AOPEP: variants seen among roughly 807,000 people sequenced by gnomAD.
AOPEP encodes aminopeptidase O (putative).
In AOPEP, 77 loss-of-function variants were observed where a neutral mutation model predicts 98.1. The observed-to-expected ratio is 0.78, with a 90% CI of 0.65 to 0.95. The LOEUF is 0.95. AOPEP is among the 40% of genes least tolerant of loss of function. The pLI is 0.00. For missense variants in AOPEP, 1,024 were observed against 1,024.7 expected, an observed-to-expected ratio of 1.00 and a Z score of 0.01; for synonymous variants, 346 against 365.3, an observed-to-expected ratio of 0.95 and a Z score of 0.60.
Position 94,933,312 on chromosome 9 carries a change from G to A in AOPEP, c.1661+4781G>A, listed in dbSNP as rs542067171. The A allele has an allele frequency of 6.1e-6, 6 of 985,504 alleles. No homozygotes were observed. In the East Asian group the frequency reaches 6.8e-4, roughly 112 times the overall value. 61.0% of individuals were successfully genotyped at this position (985,504 alleles called of 1,614,324 possible). A position where few individuals can be genotyped will look rare whatever the true frequency, so the allele number is the denominator to read the frequency against. Reference sequence around the variant, plus strand: ...TAAGTGCTTTCAGTTAGCACACTCTGACAGGCCCCAGGGATGGAAGAGCTA... The same window carrying A: ...TAAGTGCTTTCAGTTAGCACACTCTAACAGGCCCCAGGGATGGAAGAGCTA... On this transcript the variant is annotated intron_variant, in intron 7 of 16. Coordinates refer to ENST00000375315, the MANE Select transcript of AOPEP (RefSeq NM_001193329.3).
Position 94,972,801 on chromosome 9 carries a change from T to C in AOPEP, c.1916+5000T>C, listed in dbSNP as rs1248909015. On this transcript the variant is annotated intron_variant, in intron 10 of 16. Coordinates refer to ENST00000375315, the MANE Select transcript of AOPEP (RefSeq NM_001193329.3). The surrounding 1 kb of genome is among the most constrained non-coding windows in gnomAD (Gnocchi z 4.2). ...CAAAAATACAAAAAATTAGCCTGCA[T>C]GGTGGTACGTGTCTGTAGTCTCAGC... 1.3e-5 allele frequency among the ~76,000 whole-genome samples: 2 copies of C among 152,036 alleles called. No individual in the cohort carries two copies. The highest frequency in any genetic ancestry group is 4.1e-4 in the South Asian group (2 of 4,826).
intron 1 of AOPEP, among the ~76,000 whole-genome samples, chr9:94,757,070 GCT>G (rs1279990566): frequency 6.6e-6 from 1 of 152,122 alleles, no homozygotes; most frequent in African/African-American, 2.4e-5. Context: ...TGTTTACTTG[GCT>G]CTCTCAAAAC....
rs1588894072 is a variant in AOPEP, at chr9:94,920,911, C to T, written c.1365-3075C>T. ...GAATGACAACACGGGAGTGTGGCTG[C>T]AAGCCACCCCTGCCTGCCACCTCCT... is the stretch of plus-strand genomic sequence containing the variant. On this transcript the variant is annotated intron_variant, in intron 5 of 16. Coordinates refer to ENST00000375315, the MANE Select transcript of AOPEP (RefSeq NM_001193329.3). Among the ~76,000 whole-genome samples the T allele has an allele frequency of 2.0e-5, 3 of 152,148 alleles. No individual in the cohort carries two copies. The South Asian group carries it at 6.2e-4, about 32-fold the overall frequency.
At chr9:94,743,167 AAAGAAG>A (rs138111726) in intron 1 of AOPEP, among the ~76,000 whole-genome samples, 2,511 of 142,770 alleles carry the variant, frequency 0.018, 77 homozygotes, top group African/African-American at 0.062. Flanking sequence ...TTGCAATATA[AAAGAAG>A]AAGAAGAAGA....
At chr9:95,016,169 A>T (rs924899647) in intron 13 of AOPEP, among the ~76,000 whole-genome samples, 1 of 151,152 alleles carries the variant, frequency 6.6e-6, no homozygotes, top group African/African-American at 2.4e-5. Context: ...TTTGGTTTTA[A>T]GGCAAAATAA....
intron 13 of AOPEP, among the ~76,000 whole-genome samples, chr9:95,013,055 A>C (rs562906656): frequency 7.0e-6 from 1 of 143,522 alleles, no homozygotes; most frequent in South Asian, 2.2e-4. Flanking sequence ...TAAAGACCTT[A>C]TACTGGTCCC....
At chr9:95,111,649 G>A in the AOPEP span, 3 of 1,614,106 alleles carry the variant, frequency 1.9e-6, no homozygotes, top group Non-Finnish European at 8.5e-7. Context: ...TGGAACAGAG[G>A]CAGAACACAT....
At chr9:94,870,869 T>C (rs1183305017) in intron 5 of AOPEP, among the ~76,000 whole-genome samples, 1 of 152,254 alleles carries the variant, frequency 6.6e-6, no homozygotes, top group East Asian at 1.9e-4. Flanking sequence ...GCTGCCCTAC[T>C]TGAGGTCTGT....
intron 5 of AOPEP, among the ~76,000 whole-genome samples, chr9:94,830,494 A>G (rs1006840060): frequency 4.0e-4 from 61 of 152,318 alleles, no homozygotes; most frequent in African/African-American, 1.4e-3. Flanking sequence ...TAGTGCTGCA[A>G]TGAACATACA....
intron 11 of AOPEP, among the ~76,000 whole-genome samples, chr9:95,004,437 GC>G (rs925120284): frequency 6.6e-6 from 1 of 151,868 alleles, no homozygotes; most frequent in Non-Finnish European, 1.5e-5. Context: ...CCCTGGCCTC[GC>G]CCCCCGGGAG....
At position 94,944,583 on chromosome 9, in the gene AOPEP, G is replaced by A. The variant is rs750886622; in HGVS notation, c.1662-10594G>A. Among the ~76,000 whole-genome samples, 3 of 151,978 alleles carry A rather than the reference G, an allele frequency of 2.0e-5. No homozygotes were observed. The South Asian group carries it at 6.2e-4, about 32-fold the overall frequency. On this transcript the variant is annotated intron_variant, in intron 7 of 16. Coordinates refer to ENST00000375315, the MANE Select transcript of AOPEP (RefSeq NM_001193329.3). ...TTTTTTATTTTTATTTTTTTATTTTGAGACAGGGTCTTACTCTGTCCCCGA... is the reference window on the plus strand; with the variant it reads ...TTTTTTATTTTTATTTTTTTATTTTAAGACAGGGTCTTACTCTGTCCCCGA...
chr9:95,035,588 G>A (rs1286805555), intron 13 of AOPEP, among the ~76,000 whole-genome samples: 1 of 127,324 alleles, frequency 7.9e-6, no homozygotes, highest in Non-Finnish European at 1.5e-5. Context: ...GCGCGATCTC[G>A]ACTCACCGCA....
At chr9:94,811,094 T>C (rs1172128456) in intron 5 of AOPEP, among the ~76,000 whole-genome samples, 3 of 152,208 alleles carry the variant, frequency 2.0e-5, no homozygotes, top group Non-Finnish European at 2.9e-5. Context: ...CACATACATA[T>C]GTTTGAACAG....
rs1448139667 is a variant in AOPEP at position 94,760,548 on chromosome 9, A to G, written c.765A>G (p.Arg255=). ...RIWYKTKPEG[R]SVTWTSDQSG... ...GGTACAAAACTAAACCTGAAGGGCGATCGGTTACATGGACCTCAGACCAGA... is the reference window on the plus strand; with the variant it reads ...GGTACAAAACTAAACCTGAAGGGCGGTCGGTTACATGGACCTCAGACCAGA... Residue 255 remains arginine, a synonymous_variant, in exon 2 of 17, where the codon CGA becomes CGG. Coordinates refer to ENST00000375315, the MANE Select transcript of AOPEP (RefSeq NM_001193329.3). 6.4e-7 allele frequency: 1 copy of G among 1,559,156 alleles called. No homozygotes were observed. Among genetic ancestry groups the G allele is most frequent in the Admixed American group, 2.0e-5 (1 of 50,680 alleles).
Position 94,834,854 on chromosome 9 carries a change from A to AT in AOPEP, c.1364+33852_1364+33853insT, listed in dbSNP as rs1564220904. On this transcript the variant is annotated intron_variant, in intron 5 of 16. Transcript: ENST00000375315. ...CATACATACATACATACATACATAC[A>AT]AACAATAAAACAAAAAAGATTTTTT... 9.5e-4 allele frequency among the ~76,000 whole-genome samples: 119 copies of AT among 124,912 alleles called. 1 individual carries two copies. Among genetic ancestry groups the AT allele is most frequent in the East Asian group, 4.4e-3 (18 of 4,062 alleles). The allele number at this position is 124,912 out of a possible 152,430, so 81.9% of individuals were successfully genotyped here.
intron 5 of AOPEP, among the ~76,000 whole-genome samples, chr9:94,849,961 G>A (rs1211074844): frequency 1.3e-5 from 2 of 151,958 alleles, no homozygotes; most frequent in South Asian, 4.2e-4. Flanking sequence ...CTTGAACCCG[G>A]GAGATGGAGG....
intron 2 of AOPEP, among the ~76,000 whole-genome samples, chr9:94,767,030 A>G (rs890872586): frequency 2.0e-5 from 3 of 151,918 alleles, no homozygotes; most frequent in Admixed American, 2.0e-4. Context: ...TCATTATTTT[A>G]TATCTCACTC....
rs182184566 is a variant in AOPEP, at chr9:95,057,188, C to T, written c.2116-3506C>T. On this transcript the variant is annotated intron_variant, in intron 13 of 16. Transcript: ENST00000375315. The stretch of plus-strand genomic sequence containing the variant: ...TGGAGGTAAGGTCCTTTATTTTTCA[C>T]GATCACTCTGTGGTACGACCAAAGC... Among the ~76,000 whole-genome samples the T allele has an allele frequency of 7.9e-5, 12 of 152,332 alleles. No homozygotes were observed. The East Asian group carries it at 1.9e-3, about 24-fold the overall frequency.
chr9:94,795,669 A>G (rs1846770785), intron 4 of AOPEP, among the ~76,000 whole-genome samples: 1 of 152,214 alleles, frequency 6.6e-6, no homozygotes, highest in Non-Finnish European at 1.5e-5. Context: ...GGCAGCAGCC[A>G]CTGACTCTGT....
Sources: gnomAD v4.1 joint callset for allele counts (sites outside exome capture counted in the v4.1 genomes callset) on GRCh38, gnomAD v4.1.1 for gene constraint, Gnocchi (gnomAD v3.1) non-coding constraint, MANE v1.5 for transcripts, NCBI Gene and HGNC (gene_info 2026-07-23, HGNC 2026-07-21) for gene names.